The following RBM17 variants were observed in gnomAD, a reference collection of about 807,000 sequenced individuals.
RBM17 encodes the protein RNA binding motif protein 17, also known as splicing factor 45.
RBM17 carries 7 observed loss-of-function variants against 53.2 expected under a neutral mutation model. The observed-to-expected ratio is 0.13, with a 90% confidence interval of 0.07 to 0.25. The LOEUF (loss-of-function observed/expected upper bound fraction) is 0.25. Among genes scored for constraint, RBM17 ranks in the 10% least tolerant of loss-of-function variants. The pLI is 1.00. For synonymous variants in RBM17, 167 were observed against 178.1 expected, an observed-to-expected ratio of 0.94 and a Z score of 0.50; for missense variants, 257 against 496.7, an observed-to-expected ratio of 0.52 and a Z score of 4.59.
chr10:6,094,092 A>G (rs1840532010), intron 1 of RBM17, among the ~76,000 whole-genome samples: 1 of 149,918 alleles, frequency 6.7e-6, no homozygotes, highest in Non-Finnish European at 1.5e-5. Flanking sequence ...CTCCCGCCTC[A>G]GCCTCCTGAG....
intron 5 of RBM17, among the ~76,000 whole-genome samples, chr10:6,108,199 C>T (rs757742993): frequency 5.6e-4 from 86 of 152,288 alleles, no homozygotes; most frequent in Admixed American, 1.4e-3. Flanking sequence ...GATATGGCAA[C>T]GCAGGGAGCT....
At chr10:6,091,347 C>T (rs1441947515) in intron 1 of RBM17, among the ~76,000 whole-genome samples, 2 of 152,184 alleles carry the variant, frequency 1.3e-5, no homozygotes, top group African/African-American at 4.8e-5. Context: ...GCGTGAGCCA[C>T]TGGGCCCGGT....
chr10:6,090,417 G>C (rs1448234204), intron 1 of RBM17, among the ~76,000 whole-genome samples: 1 of 152,146 alleles, frequency 6.6e-6, no homozygotes, highest in East Asian at 1.9e-4. Flanking sequence ...AAACGAGAGG[G>C]CTTTATTTTT....
chr10:6,101,902 G>T (rs1199642198), intron 3 of RBM17, among the ~76,000 whole-genome samples: 1 of 152,108 alleles, frequency 6.6e-6, no homozygotes, highest in Non-Finnish European at 1.5e-5. Flanking sequence ...CAGAGAAAGG[G>T]GTTTTAAAAC....
At position 6,117,039 on chromosome 10, in the gene RBM17, A is replaced by G. The variant is rs1323684311; in HGVS notation, c.*1483A>G. The G allele has an allele frequency of 1.3e-5, 2 of 151,922 alleles. No individual in the cohort carries two copies. Among genetic ancestry groups the G allele is most frequent in the Non-Finnish European group, 2.9e-5 (2 of 67,992 alleles). The allele number at this position is 151,922 out of a possible 1,614,324, so 9.4% of individuals were successfully genotyped here. On this transcript the variant is annotated 3_prime_UTR_variant, in exon 12 of 12. Coordinates refer to ENST00000379888, the MANE Select transcript of RBM17 (RefSeq NM_032905.5). Reference sequence around the variant, plus strand: ...AGTGGAAACCATGTTTGTGCTTACAAGTACCGGAGTGTGCTTGTTTAATTT... The same window carrying G: ...AGTGGAAACCATGTTTGTGCTTACAGGTACCGGAGTGTGCTTGTTTAATTT...
intron 4 of RBM17, 143 bp from the exon 5 acceptor site, chr10:6,105,998 G>A (rs1240598450): frequency 1.8e-6 from 1 of 570,946 alleles, no homozygotes; most frequent in Non-Finnish European, 3.2e-6. Flanking sequence ...TACCAGTTAT[G>A]CTTCCTACCC....
intron 2 of RBM17, among the ~76,000 whole-genome samples, chr10:6,097,943 A>C (rs1370743126): frequency 4.6e-5 from 7 of 152,220 alleles, no homozygotes. Context: ...TGCTGCGTGC[A>C]ACTTATTGAG....
At chr10:6,098,990 C>G (rs1015603308) in intron 2 of RBM17, among the ~76,000 whole-genome samples, 7 of 151,966 alleles carry the variant, frequency 4.6e-5, no homozygotes, top group African/African-American at 7.2e-5. Context: ...TTCATCATTA[C>G]CAAATTTAGA....
At chr10:6,111,668 T>G (rs1840839556) in intron 7 of RBM17, among the ~76,000 whole-genome samples, 1 of 152,204 alleles carries the variant, frequency 6.6e-6, no homozygotes, top group Non-Finnish European at 1.5e-5. Context: ...TATGGCGTCT[T>G]GCATTACTTC....
intron 1 of RBM17, among the ~76,000 whole-genome samples, chr10:6,090,244 G>T (rs1208220094): frequency 1.3e-5 from 2 of 152,116 alleles, no homozygotes; most frequent in African/African-American, 4.8e-5. Context: ...GGCAAGATTC[G>T]CATATACTCA....
rs952049503 is a variant in RBM17, at chr10:6,115,444, G to A, written c.1103-9G>A. On this transcript the variant is annotated splice_polypyrimidine_tract_variant and intron_variant, in intron 11 of 11. Coordinates refer to ENST00000379888, the MANE Select transcript of RBM17 (RefSeq NM_032905.5). ...TACCTGTATTAACTGTCTTTTGTTT[G>A]CCTTTCAGCGGTTGTTGACTTGAAT... 6.2e-7 allele frequency: 1 copy of A among 1,601,956 alleles called. No homozygotes were observed. The highest frequency in any genetic ancestry group is 8.6e-7 in the Non-Finnish European group (1 of 1,169,046).
intron 3 of RBM17, among the ~76,000 whole-genome samples, chr10:6,101,790 A>G (rs1445805076): frequency 6.6e-6 from 1 of 152,214 alleles, no homozygotes; most frequent in Non-Finnish European, 1.5e-5. Flanking sequence ...TTGTATATAG[A>G]TGGACTATAA....
At position 6,115,755 on chromosome 10, in the gene RBM17, A is replaced by T. The variant is rs1285328948; in HGVS notation, c.*199A>T. On this transcript the variant is annotated 3_prime_UTR_variant, in exon 12 of 12. Coordinates refer to ENST00000379888, the MANE Select transcript of RBM17 (RefSeq NM_032905.5). ...ATAAAAATCCTTTTAAAAAAACAAC[A>T]ATCTGTGTGCCTCTCTGGTTGTTTC... The T allele has an allele frequency of 2.4e-6, 1 of 423,696 alleles. No homozygotes were observed. The highest frequency in any genetic ancestry group is 2.0e-5 in the African/African-American group (1 of 49,308). 26.2% of individuals were successfully genotyped at this position (423,696 alleles called of 1,614,324 possible). A position where few individuals can be genotyped will look rare whatever the true frequency, so the allele number is the denominator to read the frequency against.
Position 6,115,751 on chromosome 10 carries a change from C to A in RBM17, c.*195C>A. The A allele has an allele frequency of 2.4e-6, 1 of 416,610 alleles. No homozygotes were observed. The highest frequency in any genetic ancestry group is 4.2e-6 in the Non-Finnish European group (1 of 236,082). 25.8% of individuals were successfully genotyped at this position (416,610 alleles called of 1,614,324 possible). A position where few individuals can be genotyped will look rare whatever the true frequency, so the allele number is the denominator to read the frequency against. ...TAGTATAAAAATCCTTTTAAAAAAACAACAATCTGTGTGCCTCTCTGGTTG... is the reference window on the plus strand; with the variant it reads ...TAGTATAAAAATCCTTTTAAAAAAAAAACAATCTGTGTGCCTCTCTGGTTG... On this transcript the variant is annotated 3_prime_UTR_variant, in exon 12 of 12. Coordinates refer to ENST00000379888, the MANE Select transcript of RBM17 (RefSeq NM_032905.5).
chr10:6,110,928 G>T (rs1186631788), intron 7 of RBM17, among the ~76,000 whole-genome samples: 1 of 151,098 alleles, frequency 6.6e-6, no homozygotes, highest in Non-Finnish European at 1.5e-5. Flanking sequence ...TGTACTGGAG[G>T]GTTGGACAGA....
intron 3 of RBM17, among the ~76,000 whole-genome samples, chr10:6,103,947 G>A (rs1408433393): frequency 6.6e-6 from 1 of 152,168 alleles, no homozygotes. Context: ...ATGAATCCTT[G>A]TTGTTTTGCA....
intron 5 of RBM17, among the ~76,000 whole-genome samples, chr10:6,107,263 A>C (rs1295333239): frequency 6.6e-6 from 1 of 152,126 alleles, no homozygotes; most frequent in East Asian, 1.9e-4. Flanking sequence ...CACAACCTGC[A>C]ACCTCCTGGG....
At chr10:6,113,439 A>T in intron 8 of RBM17, 69 bp from the exon 9 acceptor site, 1 of 1,024,820 alleles carries the variant, frequency 9.8e-7, no homozygotes, top group Non-Finnish European at 1.5e-6. Context: ...AGTAGGACTC[A>T]GTTCTGTAAC....
chr10:6,093,073 ACACTG>A (rs1840512608), intron 1 of RBM17, among the ~76,000 whole-genome samples: 1 of 152,244 alleles, frequency 6.6e-6, no homozygotes, highest in East Asian at 1.9e-4. Flanking sequence ...GAGATCTAGT[ACACTG>A]CTAGATTTTT....
Sources: allele counts gnomAD v4.1 joint callset (sites outside exome capture counted in the v4.1 genomes callset), GRCh38; gene constraint gnomAD v4.1.1; transcripts MANE v1.5; gene names NCBI Gene and HGNC (gene_info 2026-07-23, HGNC 2026-07-21).